Variants in ATP6V1H observed in about 807,000 individuals in gnomAD.
The protein encoded by ATP6V1H is V-type proton ATPase subunit H.
Under a neutral mutation model 71.7 loss-of-function variants are expected in ATP6V1H, and 39 were observed. The observed-to-expected ratio is 0.54, with a 90% CI of 0.42 to 0.71. The LOEUF (loss-of-function observed/expected upper bound fraction) is 0.71, where lower values mean the gene tolerates loss of function less well. Ranked by LOEUF, ATP6V1H falls within the 30% of genes least tolerant of loss-of-function variation. ATP6V1H has a pLI of 0.00. For missense variants in ATP6V1H, 509 were observed against 594.9 expected (o/e 0.86, Z 1.50); for synonymous variants, 192 against 199.3 (o/e 0.96, Z 0.31).
At chr8:53,750,439 T>A (rs907994280) in intron 12 of ATP6V1H, among the ~76,000 whole-genome samples, 3 of 152,034 alleles carry the variant, frequency 2.0e-5, no homozygotes, top group African/African-American at 7.2e-5. Flanking sequence ...CATCAATAGG[T>A]TCTTGGAAAC....
rs78875452 is a variant in ATP6V1H, at chr8:53,736,052, G to A, written c.1391+7525C>T. Reference sequence around the variant, plus strand: ...ACCCACGGCCGAAGCTTTAGGACTCGTCAAACAAGTAATATAGTTAGAAAT... The same window carrying A: ...ACCCACGGCCGAAGCTTTAGGACTCATCAAACAAGTAATATAGTTAGAAAT... On this transcript the variant is annotated intron_variant, in intron 13 of 13. Coordinates refer to ENST00000359530, the MANE Select transcript of ATP6V1H (RefSeq NM_015941.4). Among the ~76,000 whole-genome samples the A allele has an allele frequency of 3.5e-3, 530 of 152,266 alleles. 2 individuals are homozygous for A. Among genetic ancestry groups the A allele is most frequent in the African/African-American group, 0.012 (498 of 41,544 alleles).
chr8:53,772,184 G>A lies in ATP6V1H; in HGVS notation c.871-17C>T. 1 of 1,587,666 alleles carries A rather than the reference G, an allele frequency of 6.3e-7. No individual in the cohort carries two copies. Among genetic ancestry groups the A allele is most frequent in the Non-Finnish European group, 8.6e-7 (1 of 1,163,216 alleles). On this transcript the variant is annotated splice_polypyrimidine_tract_variant and intron_variant, in intron 9 of 13. Transcript: ENST00000359530. ...TAAAAAGTTCTGGGTTAGACAAAGTGATAGTGAGAAACTATACAATTTGTC... is the reference window on the plus strand; with the variant it reads ...TAAAAAGTTCTGGGTTAGACAAAGTAATAGTGAGAAACTATACAATTTGTC...
chr8:53,803,794 T>G (rs1809992279), intron 7 of ATP6V1H, among the ~76,000 whole-genome samples: 2 of 152,314 alleles, frequency 1.3e-5, no homozygotes, highest in East Asian at 3.9e-4. Context: ...TTTTTCCAAT[T>G]AAGTCATCAG....
At chr8:53,825,977 T>C (rs1242602584) in intron 4 of ATP6V1H, among the ~76,000 whole-genome samples, 1 of 152,114 alleles carries the variant, frequency 6.6e-6, no homozygotes, top group Non-Finnish European at 1.5e-5. Context: ...AATAACAAAC[T>C]GGGAGAAAAT....
chr8:53,839,525 T>C (rs1475195347), intron 2 of ATP6V1H: 1 of 830,526 alleles, frequency 1.2e-6, no homozygotes, highest in Admixed American at 6.2e-5. Context: ...ACCAAATCAA[T>C]CACTAAGACT....
intron 13 of ATP6V1H, among the ~76,000 whole-genome samples, chr8:53,723,970 TTTAAA>T (rs1334859047): frequency 1.3e-5 from 2 of 152,242 alleles, no homozygotes; most frequent in Non-Finnish European, 2.9e-5. Flanking sequence ...AAAACCAGTT[TTTAAA>T]TTAAATTAAA....
rs190002052 is a variant in ATP6V1H, at chr8:53,802,355, T to G, written c.580-459A>C. Among the ~76,000 whole-genome samples the G allele has an allele frequency of 6.6e-4, 100 of 152,356 alleles. 2 individuals are homozygous for G. The East Asian group carries it at 0.018, about 27-fold the overall frequency. ...GACCGTGGACAAGTTCCTGAACTTT[T>G]TCAATATGAAATTTCTTCATCCTCA... is the stretch of plus-strand genomic sequence containing the variant. On this transcript the variant is annotated intron_variant, in intron 7 of 13. Transcript: ENST00000359530.
At chr8:53,785,268 A>C (rs943435469) in intron 9 of ATP6V1H, among the ~76,000 whole-genome samples, 16 of 152,112 alleles carry the variant, frequency 1.1e-4, no homozygotes, top group African/African-American at 3.1e-4. Flanking sequence ...AACTTCTCTT[A>C]TCACTTCATT....
chr8:53,829,672 C>G, intron 3 of ATP6V1H, 139 bp from the exon 4 acceptor site: 1 of 555,388 alleles, frequency 1.8e-6, no homozygotes, highest in Non-Finnish European at 3.1e-6. Context: ...AAACATATAC[C>G]TTTTATAAAT....
At chr8:53,820,532 T>A (rs1810616078) in intron 4 of ATP6V1H, among the ~76,000 whole-genome samples, 1 of 151,130 alleles carries the variant, frequency 6.6e-6, no homozygotes, top group Non-Finnish European at 1.5e-5. Flanking sequence ...CAAGATGTGG[T>A]GGTAAGCGCC....
At chr8:53,838,580 A>T (rs1403247646) in intron 2 of ATP6V1H, among the ~76,000 whole-genome samples, 1 of 152,108 alleles carries the variant, frequency 6.6e-6, no homozygotes, top group South Asian at 2.1e-4. Context: ...TTGCTATTTA[A>T]TTTGATAAAA....
chr8:53,816,521 G>A (rs1279571633), intron 5 of ATP6V1H, among the ~76,000 whole-genome samples: 1 of 152,094 alleles, frequency 6.6e-6, no homozygotes, highest in Non-Finnish European at 1.5e-5. Context: ...GTGTAGGCCG[G>A]GTGCAGTGCC....
At chr8:53,766,041 A>T (rs913031349) in intron 11 of ATP6V1H, among the ~76,000 whole-genome samples, 8 of 152,228 alleles carry the variant, frequency 5.3e-5, no homozygotes, top group African/African-American at 1.9e-4. Flanking sequence ...TGGAGCAAAG[A>T]TAGTCTTGTC....
intron 7 of ATP6V1H, among the ~76,000 whole-genome samples, chr8:53,810,212 CTTCTGT>C (rs1810228297): frequency 6.6e-6 from 1 of 152,222 alleles, no homozygotes; most frequent in Non-Finnish European, 1.5e-5. Flanking sequence ...GCTAGACACA[CTTCTGT>C]TTCTGTCTCC....
At chr8:53,771,510 T>C (rs945418016) in intron 10 of ATP6V1H, among the ~76,000 whole-genome samples, 3 of 152,106 alleles carry the variant, frequency 2.0e-5, no homozygotes, top group African/African-American at 7.2e-5. Flanking sequence ...GCAGTGAAGA[T>C]GGTGGGAGTG....
chr8:53,759,078 A>T (rs909427410), intron 11 of ATP6V1H, among the ~76,000 whole-genome samples: 7 of 152,206 alleles, frequency 4.6e-5, no homozygotes, highest in Non-Finnish European at 1.0e-4. Flanking sequence ...CACAGACCCT[A>T]ATCTAGGACT....
intron 10 of ATP6V1H, among the ~76,000 whole-genome samples, 194 bp from the exon 11 acceptor site, chr8:53,769,937 T>TAGTA (rs922318305): frequency 1.7e-3 from 256 of 152,272 alleles, no homozygotes; most frequent in African/African-American, 6.0e-3. Context: ...TTATTCAGTG[T>TAGTA]AGTAAGGTCC....
intron 3 of ATP6V1H, 134 bp from the exon 4 acceptor site, chr8:53,829,667 T>A: frequency 1.8e-6 from 1 of 559,846 alleles, no homozygotes; most frequent in East Asian, 3.2e-5. Context: ...ACAGAAAACA[T>A]ATACCTTTTA....
At chr8:53,801,631 G>A (rs942266088) in intron 8 of ATP6V1H, among the ~76,000 whole-genome samples, 168 bp downstream of exon 8, 1 of 152,160 alleles carries the variant, frequency 6.6e-6, no homozygotes, top group Non-Finnish European at 1.5e-5. Context: ...AGCAAGGAAA[G>A]GGGCTCAGTT....
Sources: allele counts gnomAD v4.1 joint callset (sites outside exome capture counted in the v4.1 genomes callset), GRCh38; gene constraint gnomAD v4.1.1; transcripts MANE v1.5; gene names NCBI Gene and HGNC (gene_info 2026-07-23, HGNC 2026-07-21).